Variants in PHIP observed in about 807,000 individuals in gnomAD.
PHIP encodes the protein PH-interacting protein.
PHIP carries 54 observed loss-of-function variants against 236.8 expected under a neutral mutation model. The observed-to-expected ratio is 0.23, with a 90% CI of 0.18 to 0.29. The LOEUF is 0.29. Among genes scored for constraint, PHIP ranks in the 10% least tolerant of loss-of-function variants. The pLI is 1.00. For missense variants in PHIP, 1,370 were observed against 2,190.8 expected, an observed-to-expected ratio of 0.63 and a Z score of 7.48; for synonymous variants, 756 against 718.9, an observed-to-expected ratio of 1.05 and a Z score of -0.83.
intron 19 of PHIP, among the ~76,000 whole-genome samples, chr6:78,993,426 G>GCT (rs1324611349): frequency 6.6e-6 from 1 of 151,914 alleles, no homozygotes; most frequent in African/African-American, 2.4e-5. Context: ...GACTTTCACA[G>GCT]CTAGAGAGAA....
At chr6:79,030,953 G>A (rs1407361307) in intron 7 of PHIP, among the ~76,000 whole-genome samples, 1 of 151,556 alleles carries the variant, frequency 6.6e-6, no homozygotes, top group Non-Finnish European at 1.5e-5. Flanking sequence ...TTGTTTGTTT[G>A]TTTGTTTTGA....
intron 35 of PHIP, among the ~76,000 whole-genome samples, chr6:78,954,547 T>C (rs574092837): frequency 6.6e-6 from 1 of 151,754 alleles, no homozygotes; most frequent in South Asian, 2.1e-4. Context: ...AAAATTCAGA[T>C]GAGAAAACTA....
At chr6:79,077,159 C>T (rs1031409813) in intron 4 of PHIP, among the ~76,000 whole-genome samples, 2 of 151,940 alleles carry the variant, frequency 1.3e-5, no homozygotes, top group African/African-American at 2.4e-5. Context: ...CGCGCGCCGG[C>T]CCCTCCTCCT....
rs759463382 is a variant in PHIP at position 79,019,150 on chromosome 6, A to G, written c.933T>C (p.Pro311=). 1 of 1,610,960 alleles carries G rather than the reference A, an allele frequency of 6.2e-7. No individual in the cohort carries two copies. Among genetic ancestry groups the G allele is most frequent in the South Asian group, 1.1e-5 (1 of 90,978 alleles). Reference sequence around the variant, plus strand: ...GCCGAGGGCGCTCTGTAAATTTTGCAGGTCTTGGGCTGTAATACAAAAAAT... The same window carrying G: ...GCCGAGGGCGCTCTGTAAATTTTGCGGGTCTTGGGCTGTAATACAAAAAAT... The part of the protein sequence containing the change: ...DAGTLKINPR[P]AKFTERPRPG... The change falls in exon 10 of 40, where the codon CCT becomes CCC. Residue 311 remains proline, a synonymous_variant. Coordinates refer to ENST00000275034, the MANE Select transcript of PHIP (RefSeq NM_017934.7).
At chr6:78,973,249 A>G (rs1767749986) in intron 24 of PHIP, among the ~76,000 whole-genome samples, 1 of 151,950 alleles carries the variant, frequency 6.6e-6, no homozygotes, top group Non-Finnish European at 1.5e-5. Context: ...AAGAATTTTC[A>G]ACCCAGAATT....
chr6:78,985,517 TC>T (rs1768808073), intron 21 of PHIP, 89 bp from the exon 22 acceptor site: 1 of 786,114 alleles, frequency 1.3e-6, no homozygotes, highest in Non-Finnish European at 2.3e-6. Flanking sequence ...TCTTATAATA[TC>T]AGTCATATTG....
intron 17 of PHIP, among the ~76,000 whole-genome samples, chr6:78,998,642 T>C (rs1582196511): frequency 6.6e-6 from 1 of 152,162 alleles, no homozygotes; most frequent in African/African-American, 2.4e-5. Context: ...CAGATACTCA[T>C]AATCCGTATG....
intron 32 of PHIP, chr6:78,957,401 T>C (rs1479046384): frequency 3.3e-5 from 5 of 151,818 alleles, no homozygotes; most frequent in African/African-American, 7.2e-5. Flanking sequence ...CCCCAAACCA[T>C]TGGAAAGCAA....
Position 78,980,564 on chromosome 6 carries a change from G to A in PHIP, c.2770-1853C>T, listed in dbSNP as rs927408843. ...GAGATAAAGAGGGCTGGGGTACAGC[G>A]GGTTTGAGGAAAAAGCTTGGTAAAT... is the stretch of plus-strand genomic sequence containing the variant. On this transcript the variant is annotated intron_variant, in intron 23 of 39. Transcript: ENST00000275034. 3.6e-4 allele frequency among the ~76,000 whole-genome samples: 55 copies of A among 152,084 alleles called. 1 individual carries two copies. The highest frequency in any genetic ancestry group is 2.0e-4 in the Admixed American group (3 of 15,252).
intron 7 of PHIP, among the ~76,000 whole-genome samples, chr6:79,036,189 G>A (rs766435361): frequency 1.3e-4 from 20 of 152,038 alleles, no homozygotes; most frequent in Admixed American, 3.9e-4. Flanking sequence ...CAAGACTCTC[G>A]CCAGACAGAA....
In PHIP at chr6:79,060,750, A is replaced by G; in HGVS notation, c.258T>C (p.Leu86=). The G allele has an allele frequency of 6.2e-7, 1 of 1,613,094 alleles. No homozygotes were observed. Among genetic ancestry groups the G allele is most frequent in the Admixed American group, 1.7e-5 (1 of 60,008 alleles). ...LQICHRLGPL[L]EQEIPQSVPG... is the part of the protein sequence containing the mutation. ...GAACACTTTGAGGAATTTCTTGTTC[A>G]AGAAGAGGTCCTAGTCGATGACATA... The change falls in exon 5 of 40, where the codon CTT becomes CTC. Residue 86 remains leucine, a synonymous_variant. Coordinates refer to ENST00000275034, the MANE Select transcript of PHIP (RefSeq NM_017934.7).
At chr6:79,035,041 T>C (rs1161372359) in intron 7 of PHIP, among the ~76,000 whole-genome samples, 3 of 152,174 alleles carry the variant, frequency 2.0e-5, no homozygotes, top group Admixed American at 6.5e-5. Flanking sequence ...GCTGACATCA[T>C]AGCCTGACTA....
chr6:79,050,259 A>G (rs528940485), intron 6 of PHIP, among the ~76,000 whole-genome samples: 1 of 152,308 alleles, frequency 6.6e-6, no homozygotes, highest in Admixed American at 6.5e-5. Context: ...AACAGCTAGT[A>G]TTTACTGAGT....
intron 17 of PHIP, among the ~76,000 whole-genome samples, chr6:79,001,654 G>A (rs1770004219): frequency 6.6e-6 from 1 of 152,032 alleles, no homozygotes. Flanking sequence ...ACCAAATACA[G>A]GAACTACCTT....
At chr6:79,060,234 T>G (rs113812967) in intron 6 of PHIP, among the ~76,000 whole-genome samples, 1 of 152,212 alleles carries the variant, frequency 6.6e-6, no homozygotes, top group African/African-American at 2.4e-5. Flanking sequence ...TATGGAACTT[T>G]CGTAAAAATA....
chr6:78,955,344 G>T lies in PHIP; in HGVS notation c.3853-62C>A. ...TTAGATGTCATTATACTTTATAGTT[G>T]ATTAACTAGCAATTATTTCCTTTAC... is the stretch of plus-strand genomic sequence containing the variant. On this transcript the variant is annotated intron_variant, in intron 33 of 39. Coordinates refer to ENST00000275034, the MANE Select transcript of PHIP (RefSeq NM_017934.7). 4.3e-6 allele frequency: 5 copies of T among 1,155,808 alleles called. No individual in the cohort carries two copies. In the South Asian group the frequency reaches 5.2e-5, roughly 12 times the overall value. The allele number at this position is 1,155,808 out of a possible 1,614,324, so 71.6% of individuals were successfully genotyped here.
chr6:79,072,236 T>A (rs377653129), intron 4 of PHIP, among the ~76,000 whole-genome samples: 3 of 152,164 alleles, frequency 2.0e-5, no homozygotes, highest in Non-Finnish European at 4.4e-5. Flanking sequence ...ATTTGATGAT[T>A]ACCCAAAGAA....
rs1430746473 is a variant in PHIP at position 78,939,479 on chromosome 6, A to G, written c.*1214T>C. On this transcript the variant is annotated 3_prime_UTR_variant, in exon 40 of 40. Transcript: ENST00000275034. ...ATTGAAAATAACCAATTTCCCCCTT[A>G]AAATTAAACTATAAAGTATGACATT... 3 of 151,898 alleles carry G rather than the reference A, an allele frequency of 2.0e-5. No individual in the cohort carries two copies. The highest frequency in any genetic ancestry group is 4.4e-5 in the Non-Finnish European group (3 of 67,786). The allele number at this position is 151,898 out of a possible 1,614,324, so 9.4% of individuals were successfully genotyped here.
At chr6:78,994,570 C>A (rs1006700686) in intron 19 of PHIP, among the ~76,000 whole-genome samples, 4 of 117,772 alleles carry the variant, frequency 3.4e-5, no homozygotes, top group African/African-American at 1.3e-4. Context: ...AAGTAAGACT[C>A]TGTCTCAAAA....
Sources: gnomAD v4.1 joint callset for allele counts (sites outside exome capture counted in the v4.1 genomes callset) on GRCh38, gnomAD v4.1.1 for gene constraint, MANE v1.5 for transcripts, NCBI Gene and HGNC (gene_info 2026-07-23, HGNC 2026-07-21) for gene names.